MDGA2: variants seen among roughly 807,000 people sequenced by gnomAD.
MDGA2 encodes the protein MAM domain containing glycosylphosphatidylinositol anchor 2.
In MDGA2, 40 loss-of-function variants were observed where a neutral mutation model predicts 117.8. The ratio of observed to expected loss-of-function variants is 0.34; its 90% confidence interval spans 0.26 to 0.44. The LOEUF is 0.44. MDGA2 is among the 20% of genes least tolerant of loss of function. The pLI is 1.00. For missense variants in MDGA2, 1,123 were observed against 1,250.6 expected, an observed-to-expected ratio of 0.90 and a Z score of 1.54; for synonymous variants, 452 against 439.0, an observed-to-expected ratio of 1.03 and a Z score of -0.37.
At chr14:47,002,386 A>G (rs1369149809) in intron 8 of MDGA2, among the ~76,000 whole-genome samples, 1 of 152,112 alleles carries the variant, frequency 6.6e-6, no homozygotes, top group East Asian at 1.9e-4. Context: ...GTTGTGGGAA[A>G]TAAATATTCC....
At chr14:47,446,919 C>A (rs1384637018) in intron 1 of MDGA2, among the ~76,000 whole-genome samples, 2 of 152,116 alleles carry the variant, frequency 1.3e-5, no homozygotes, top group Non-Finnish European at 2.9e-5. Flanking sequence ...CAACAGAATT[C>A]TATTCACATA....
At chr14:46,889,410 G>A (rs1405545557) in intron 10 of MDGA2, among the ~76,000 whole-genome samples, 1 of 151,916 alleles carries the variant, frequency 6.6e-6, no homozygotes, top group Admixed American at 6.6e-5. Flanking sequence ...TTGGTCTTTG[G>A]AATCTTGTAT....
At chr14:47,541,253 G>A (rs989279766) in intron 1 of MDGA2, among the ~76,000 whole-genome samples, 6 of 152,198 alleles carry the variant, frequency 3.9e-5, no homozygotes, top group Non-Finnish European at 7.3e-5. Context: ...AATAAAATGA[G>A]CACTTTGGGG....
At chr14:46,971,108 G>A (rs887372267) in intron 8 of MDGA2, among the ~76,000 whole-genome samples, 1 of 152,022 alleles carries the variant, frequency 6.6e-6, no homozygotes. Flanking sequence ...TTCATACACT[G>A]CTAGTGGGCA....
intron 3 of MDGA2, among the ~76,000 whole-genome samples, chr14:47,199,594 T>C (rs893818959): frequency 6.6e-6 from 1 of 152,066 alleles, no homozygotes; most frequent in African/African-American, 2.4e-5. Flanking sequence ...ACAAATAACA[T>C]AACAGGATGA....
intron 1 of MDGA2, among the ~76,000 whole-genome samples, chr14:47,553,135 GTTGATTTATT>G (rs1566511664): frequency 6.6e-6 from 1 of 152,148 alleles, no homozygotes; most frequent in African/African-American, 2.4e-5. Context: ...GTGCCACCTC[GTTGATTTATT>G]TTATCTATAC....
At chr14:47,084,464 T>C (rs1890821140) in intron 6 of MDGA2, among the ~76,000 whole-genome samples, 3 of 149,468 alleles carry the variant, frequency 2.0e-5, no homozygotes. Context: ...AATTATCTAA[T>C]TCCCACTTCA....
At chr14:47,055,349 T>C (rs1201766093) in intron 7 of MDGA2, among the ~76,000 whole-genome samples, 1 of 152,120 alleles carries the variant, frequency 6.6e-6, no homozygotes, top group African/African-American at 2.4e-5. Flanking sequence ...CTTGATTGTG[T>C]GAATGTGAGC....
At chr14:47,651,300 G>A (rs78059467) in intron 1 of MDGA2, among the ~76,000 whole-genome samples, 2,772 of 151,396 alleles carry the variant, frequency 0.018, 30 homozygotes, top group Middle Eastern at 0.027. Context: ...CTGTTTCTCT[G>A]AAGAGCTCCA....
intron 3 of MDGA2, among the ~76,000 whole-genome samples, chr14:47,157,161 G>T (rs1016356563): frequency 2.0e-5 from 3 of 152,124 alleles, no homozygotes; most frequent in African/African-American, 7.2e-5. Context: ...GACAGGAAAT[G>T]TTTCATATCT....
chr14:47,267,456 C>T (rs971857107), intron 2 of MDGA2, among the ~76,000 whole-genome samples: 6 of 151,902 alleles, frequency 3.9e-5, no homozygotes, highest in East Asian at 3.9e-4. Context: ...TGTCCATATC[C>T]AATTTTTAAT....
chr14:47,401,239 A>G (rs1892141867), intron 1 of MDGA2, among the ~76,000 whole-genome samples: 1 of 152,130 alleles, frequency 6.6e-6, no homozygotes, highest in African/African-American at 2.4e-5. Context: ...ATTTATTTCA[A>G]CAGGCATTAT....
intron 1 of MDGA2, among the ~76,000 whole-genome samples, chr14:47,435,675 C>A (rs1892882353): frequency 6.6e-6 from 1 of 152,090 alleles, no homozygotes; most frequent in Non-Finnish European, 1.5e-5. Context: ...TAACAACTCA[C>A]AAGTATTAAA....
intron 7 of MDGA2, among the ~76,000 whole-genome samples, chr14:47,038,546 C>G (rs1012738025): frequency 2.0e-5 from 3 of 151,966 alleles, no homozygotes; most frequent in Admixed American, 2.0e-4. Context: ...GAAATATAAA[C>G]CTCAATTTTA....
At chr14:47,048,571 C>T (rs1376108531) in intron 7 of MDGA2, among the ~76,000 whole-genome samples, 2 of 152,050 alleles carry the variant, frequency 1.3e-5, no homozygotes, top group South Asian at 2.1e-4. Context: ...CCTAATTACA[C>T]CACTGATTGT....
intron 14 of MDGA2, among the ~76,000 whole-genome samples, chr14:46,858,428 C>CTTTTTT (rs71112466): frequency 6.5e-5 from 8 of 123,832 alleles, no homozygotes; most frequent in East Asian, 2.3e-4. Flanking sequence ...TTCTTTTTTT[C>CTTTTTT]TTTTTTTTTT....
chr14:47,022,004 T>C lies in MDGA2; in HGVS notation c.1819+13007A>G, dbSNP rs186195997. ...GTTGAATTGCAGTATCAAAAAACTG[T>C]ACGTGTAGAGTTATAACTTCACTGA... is the stretch of plus-strand genomic sequence containing the variant. On this transcript the variant is annotated intron_variant, in intron 8 of 16. Coordinates refer to ENST00000399232, the MANE Select transcript of MDGA2 (RefSeq NM_001113498.3). 2.7e-3 allele frequency among the ~76,000 whole-genome samples: 415 copies of C among 152,294 alleles called. 3 individuals are homozygous for C. Among genetic ancestry groups the C allele is most frequent in the African/African-American group, 9.6e-3 (399 of 41,568 alleles).
At chr14:47,546,790 T>C (rs933311023) in intron 1 of MDGA2, among the ~76,000 whole-genome samples, 1 of 152,170 alleles carries the variant, frequency 6.6e-6, no homozygotes, top group Non-Finnish European at 1.5e-5. Flanking sequence ...TGTTTCTTGG[T>C]CTCTCTAGCT....
intron 4 of MDGA2, among the ~76,000 whole-genome samples, chr14:47,139,722 A>C (rs560769869): frequency 4.7e-5 from 7 of 150,322 alleles, no homozygotes; most frequent in Non-Finnish European, 1.0e-4. Flanking sequence ...AGAAATCAAT[A>C]ACATCTAAGA....
Sources: allele counts gnomAD v4.1 joint callset (sites outside exome capture counted in the v4.1 genomes callset), GRCh38; gene constraint gnomAD v4.1.1; transcripts MANE v1.5; gene names NCBI Gene and HGNC (gene_info 2026-07-23, HGNC 2026-07-21).